GARNL3: variants seen among roughly 807,000 people sequenced by gnomAD.
GARNL3 encodes GTPase-activating Rap/Ran-GAP domain-like protein 3.
Under a neutral mutation model 125.0 loss-of-function variants are expected in GARNL3, and 63 were observed. The observed-to-expected ratio is 0.50, with a 90% CI of 0.41 to 0.62. The LOEUF (loss-of-function observed/expected upper bound fraction) is 0.62. Ranked by LOEUF, GARNL3 falls within the 20% of genes least tolerant of loss-of-function variation. GARNL3 has a pLI of 0.00. For synonymous variants in GARNL3, 439 were observed against 457.5 expected, an observed-to-expected ratio of 0.96 and a Z score of 0.52; for missense variants, 994 against 1,244.0, an observed-to-expected ratio of 0.80 and a Z score of 3.02.
chr9:127,263,708 A>G (rs940258507), upstream of GARNL3: 1 of 1,163,154 alleles, frequency 8.6e-7, no homozygotes, highest in Non-Finnish European at 1.1e-6. Context: ...ACACTTTCAA[A>G]CTGCATGCAT....
At chr9:127,343,522 A>G (rs1829979629) in intron 14 of GARNL3, among the ~76,000 whole-genome samples, 1 of 152,204 alleles carries the variant, frequency 6.6e-6, no homozygotes, top group Non-Finnish European at 1.5e-5. Context: ...CATGTGCTAA[A>G]CATGTCGTTG....
At chr9:127,279,966 C>G (rs1195577770) in intron 1 of GARNL3, among the ~76,000 whole-genome samples, 2 of 152,108 alleles carry the variant, frequency 1.3e-5, no homozygotes, top group African/African-American at 2.4e-5. Context: ...TCTTATAAAG[C>G]TCTGCTGGAG....
upstream of GARNL3, chr9:127,264,556 A>G: frequency 9.7e-7 from 1 of 1,033,876 alleles, no homozygotes; most frequent in Middle Eastern, 4.6e-4. Flanking sequence ...TCTTAAATGA[A>G]AGATAATTGC....
intron 5 of GARNL3, among the ~76,000 whole-genome samples, chr9:127,319,428 G>C (rs1324747104): frequency 3.3e-5 from 5 of 152,020 alleles, no homozygotes; most frequent in Non-Finnish European, 7.4e-5. Flanking sequence ...GGTGCAGTGA[G>C]CTGAGACCAT....
intron 15 of GARNL3, 118 bp from the exon 16 acceptor site, chr9:127,345,285 C>A: frequency 1.8e-6 from 1 of 561,826 alleles, no homozygotes; most frequent in Non-Finnish European, 3.1e-6. Flanking sequence ...AGTAGAGGAA[C>A]CCGAAATGTT....
intron 2 of GARNL3, among the ~76,000 whole-genome samples, chr9:127,292,153 A>G (rs117257436): frequency 3.6e-4 from 55 of 152,262 alleles, no homozygotes; most frequent in Non-Finnish European, 7.2e-4. Context: ...AGCCCATGAC[A>G]TTTGGGAAGT....
rs779790261 is a variant in GARNL3 at position 127,243,076 on chromosome 9, C to T, written c.-28-3C>T. 3.0e-6 allele frequency: 4 copies of T among 1,353,246 alleles called. No homozygotes were observed. In the South Asian group the frequency reaches 4.7e-5, roughly 16 times the overall value. 83.8% of individuals were successfully genotyped at this position (1,353,246 alleles called of 1,614,324 possible). A position where few individuals can be genotyped will look rare whatever the true frequency, so the allele number is the denominator to read the frequency against. ...AGTGCCTTTCCCAACTCTTCTGTTT[C>T]AGGACAGCTGCCCAGCCTCCAGGCC... On this transcript the variant is annotated splice_region_variant and splice_polypyrimidine_tract_variant and intron_variant, in intron 1 of 10. Coordinates refer to the GARNL3 transcript ENST00000439286.
chr9:127,238,085 C>G (rs920650294), intron 1 of GARNL3, among the ~76,000 whole-genome samples: 1 of 152,156 alleles, frequency 6.6e-6, no homozygotes, highest in African/African-American at 2.4e-5. Context: ...CTCCCTATGC[C>G]AGACGAATAC....
chr9:127,357,635 C>T (rs987351924), intron 21 of GARNL3, among the ~76,000 whole-genome samples: 3 of 151,968 alleles, frequency 2.0e-5, no homozygotes, highest in Non-Finnish European at 2.9e-5. Flanking sequence ...TCCATCCTTC[C>T]GAATAAAAGA....
chr9:127,390,610 GTGA>G, intron 26 of GARNL3, 28 bp from the exon 27 acceptor site: 1 of 1,610,476 alleles, frequency 6.2e-7, no homozygotes, highest in African/African-American at 1.3e-5. Flanking sequence ...CCCTGTGGTA[GTGA>G]CCCTCTGACC....
At chr9:127,335,415 T>C (rs757500725) in intron 10 of GARNL3, 82 bp downstream of exon 10, 3 of 1,137,676 alleles carry the variant, frequency 2.6e-6, no homozygotes, top group Non-Finnish European at 1.3e-6. Context: ...TTAGGGGCTA[T>C]GCCGGTTAAC....
intron 2 of GARNL3, among the ~76,000 whole-genome samples, chr9:127,310,860 T>C (rs1004404817): frequency 2.6e-5 from 4 of 152,224 alleles, no homozygotes; most frequent in African/African-American, 7.2e-5. Context: ...CCCTCAGCCA[T>C]TGCTGGTGGA....
At chr9:127,257,364 C>T (rs1180429807) in intron 2 of GARNL3, among the ~76,000 whole-genome samples, 1 of 152,174 alleles carries the variant, frequency 6.6e-6, no homozygotes, top group Non-Finnish European at 1.5e-5. Flanking sequence ...TCTGAAGAGG[C>T]TTAGCTTAAA....
At chr9:127,286,761 A>G (rs565737708) in intron 1 of GARNL3, among the ~76,000 whole-genome samples, 48 of 152,266 alleles carry the variant, frequency 3.2e-4, no homozygotes, top group Non-Finnish European at 6.3e-4. Context: ...CTTGTAGAAC[A>G]TTTTCTCTGA....
chr9:127,236,679 C>G (rs1372360490), intron 1 of GARNL3, among the ~76,000 whole-genome samples: 1 of 152,222 alleles, frequency 6.6e-6, no homozygotes, highest in African/African-American at 2.4e-5. Context: ...CTGCTTCGGC[C>G]TCTCAAAGTG....
At chr9:127,232,394 G>A (rs755785472) in intron 1 of GARNL3, among the ~76,000 whole-genome samples, 3 of 152,052 alleles carry the variant, frequency 2.0e-5, no homozygotes, top group Non-Finnish European at 4.4e-5. Context: ...CTGCAGCCTT[G>A]AACTCCTGGG....
Position 127,342,238 on chromosome 9 carries a change from C to G in GARNL3, c.1155C>G (p.Ala385=), listed in dbSNP as rs777748054. ...TTTTAGTAATTAATGGTGAAAAAGC[C>G]ACTTTGGAAACCCCAACATTTGCCC... ...LLVKLINGEK[A]TLETPTFAQK... Residue 385 remains alanine (A), a synonymous_variant, in exon 14 of 28, where the codon GCC becomes GCG. Coordinates refer to ENST00000373387, the MANE Select transcript of GARNL3 (RefSeq NM_032293.5). 2 of 1,612,370 alleles carry G rather than the reference C, an allele frequency of 1.2e-6. No individual in the cohort carries two copies. The highest frequency in any genetic ancestry group is 1.1e-5 in the South Asian group (1 of 91,056).
intron 20 of GARNL3, among the ~76,000 whole-genome samples, chr9:127,356,932 A>G (rs1051187975): frequency 2.0e-5 from 3 of 152,238 alleles, no homozygotes; most frequent in African/African-American, 7.2e-5. Flanking sequence ...CAGACGACAT[A>G]AGGGATAAAG....
At chr9:127,381,385 A>G (rs1254339037) in intron 22 of GARNL3, among the ~76,000 whole-genome samples, 1 of 151,888 alleles carries the variant, frequency 6.6e-6, no homozygotes, top group African/African-American at 2.4e-5. Flanking sequence ...TTTTTTTTTC[A>G]GAAATTAGAA....
Sources: gnomAD v4.1 joint callset for allele counts (sites outside exome capture counted in the v4.1 genomes callset) on GRCh38, gnomAD v4.1.1 for gene constraint, MANE v1.5 for transcripts, NCBI Gene and HGNC (gene_info 2026-07-23, HGNC 2026-07-21) for gene names.